The following FGF13 variants were observed in gnomAD, a reference collection of about 807,000 sequenced individuals.
The protein encoded by FGF13 is fibroblast growth factor 13.
A neutral mutation model predicts 19.5 loss-of-function variants in FGF13; 2 were observed. The ratio of observed to expected loss-of-function variants is 0.10; its 90% confidence interval spans 0.04 to 0.32. The LOEUF (loss-of-function observed/expected upper bound fraction) is 0.32, where lower values mean the gene tolerates loss of function less well. Ranked by LOEUF, FGF13 falls within the 10% of genes least tolerant of loss-of-function variation. The probability of loss-of-function intolerance (pLI) is 1.00; values close to 1 mark genes in which losing one functional copy is unlikely to be tolerated. For synonymous variants in FGF13, 72 were observed against 76.9 expected, an observed-to-expected ratio of 0.94 and a Z score of 0.33; for missense variants, 113 against 192.7, an observed-to-expected ratio of 0.59 and a Z score of 2.45.
At chrX:138,977,560 C>A (rs1460030717) in intron 1 of FGF13, among the ~76,000 whole-genome samples, 1 of 112,459 alleles carries the variant, frequency 8.9e-6, no homozygotes, top group Non-Finnish European at 1.9e-5. Flanking sequence ...GGCCTTTGCA[C>A]CATAAGTGTC....
intron 1 of FGF13, among the ~76,000 whole-genome samples, chrX:139,202,965 T>C (rs1203411577): frequency 2.7e-5 from 3 of 111,907 alleles, no homozygotes; most frequent in East Asian, 2.8e-4. Context: ...CACTTGCACC[T>C]AAGGCACCTG....
At chrX:139,190,476 G>A (rs748803167) in intron 1 of FGF13, among the ~76,000 whole-genome samples, 23 of 111,935 alleles carry the variant, frequency 2.1e-4, no homozygotes, top group African/African-American at 7.5e-4. Flanking sequence ...ATCTGTTACT[G>A]TGTCAATGTG....
intron 1 of FGF13, among the ~76,000 whole-genome samples, chrX:138,936,265 C>T (rs1290677092): frequency 8.9e-6 from 1 of 112,156 alleles, no homozygotes; most frequent in Non-Finnish European, 1.9e-5. Flanking sequence ...AGAGCTCTCC[C>T]TTAGTAATCT....
Position 138,635,362 on chromosome X carries a change from C to G in FGF13, c.601+95G>C. 4.2e-6 allele frequency: 4 copies of G among 954,122 alleles called. 1 individual carries two copies. Among genetic ancestry groups the G allele is most frequent in the Non-Finnish European group, 2.9e-6 (2 of 691,605 alleles). 78.6% of individuals were successfully genotyped at this position (954,122 alleles called of 1,213,427 possible). A position where few individuals can be genotyped will look rare whatever the true frequency, so the allele number is the denominator to read the frequency against. On this transcript the variant is annotated intron_variant, in intron 4 of 4. Coordinates refer to ENST00000315930, the MANE Select transcript of FGF13 (RefSeq NM_004114.5). ...CCACTAAATAGCTTGTCTATGTAAC[C>G]AAAAACCACCTGTACCCCCAAAACT...
At chrX:138,935,862 G>A (rs2091728850) in intron 1 of FGF13, among the ~76,000 whole-genome samples, 1 of 112,155 alleles carries the variant, frequency 8.9e-6, no homozygotes, top group Admixed American at 9.4e-5. Flanking sequence ...ATGTGAAAAT[G>A]GAATCTATGT....
At chrX:138,937,754 A>G (rs757180101) in intron 1 of FGF13, among the ~76,000 whole-genome samples, 35 of 112,177 alleles carry the variant, frequency 3.1e-4, no homozygotes, top group African/African-American at 8.7e-4. Flanking sequence ...GAAACAAAAA[A>G]TCGAAGGCCA....
Position 139,104,979 on chromosome X carries a change from A to G in FGF13, c.-113+98437T>C, listed in dbSNP as rs1192867685. Reference sequence around the variant, plus strand: ...TAATTTAAGTTATATTGAGCCTGCAACTGTGTCCTTTATAATTTTCCATTT... The same window carrying G: ...TAATTTAAGTTATATTGAGCCTGCAGCTGTGTCCTTTATAATTTTCCATTT... On this transcript the variant is annotated intron_variant, in intron 1 of 2. Transcript: ENST00000421460. Among the ~76,000 whole-genome samples, 3 of 110,386 alleles carry G rather than the reference A, an allele frequency of 2.7e-5. No homozygotes were observed. In the Admixed American group the frequency reaches 2.9e-4, roughly 11 times the overall value.
chrX:138,847,099 A>G (rs892287587), intron 3 of FGF13, among the ~76,000 whole-genome samples: 6 of 111,768 alleles, frequency 5.4e-5, no homozygotes, highest in African/African-American at 1.6e-4. Context: ...GTTTTAGATA[A>G]CAAATGCACT....
At chrX:138,775,959 C>T (rs2090584412) in intron 3 of FGF13, among the ~76,000 whole-genome samples, 1 of 112,276 alleles carries the variant, frequency 8.9e-6, no homozygotes, top group Non-Finnish European at 1.9e-5. Flanking sequence ...CCGGTCTCTA[C>T]CCTGGAGGAG....
At chrX:138,932,566 C>A (rs917859111) in intron 1 of FGF13, among the ~76,000 whole-genome samples, 2 of 110,404 alleles carry the variant, frequency 1.8e-5, no homozygotes, top group Non-Finnish European at 3.8e-5. Context: ...CGCACCATTG[C>A]GCTCCAGCTT....
Position 138,937,002 on chromosome X carries a change from C to T in FGF13, c.-112-72352G>A, listed in dbSNP as rs770784188. Among the ~76,000 whole-genome samples the T allele has an allele frequency of 4.5e-5, 5 of 111,680 alleles. No homozygotes were observed. In the East Asian group the frequency reaches 1.4e-3, roughly 32 times the overall value. ...TTGTGAGAATATCTCCCTGCAGTGC[C>T]AGGCCATCTCTCTCAAGTGGTGCTC... is the stretch of plus-strand genomic sequence containing the variant. On this transcript the variant is annotated intron_variant, in intron 1 of 2. Coordinates refer to the FGF13 transcript ENST00000421460.
chrX:138,637,891 T>G (rs1467378520), intron 3 of FGF13, among the ~76,000 whole-genome samples: 1 of 111,522 alleles, frequency 9.0e-6, no homozygotes, highest in African/African-American at 3.3e-5. Flanking sequence ...CAGGGAAGAA[T>G]AATATTTGAA....
intron 3 of FGF13, among the ~76,000 whole-genome samples, chrX:138,755,111 C>G (rs2090423533): frequency 8.9e-6 from 1 of 111,877 alleles, no homozygotes; most frequent in Non-Finnish European, 1.9e-5. Flanking sequence ...ATATCTTTTA[C>G]TATACACTCA....
chrX:138,956,935 T>C (rs2091844000), intron 1 of FGF13, among the ~76,000 whole-genome samples: 1 of 111,749 alleles, frequency 8.9e-6, no homozygotes, highest in African/African-American at 3.3e-5. Flanking sequence ...GAAGTGTTCA[T>C]AGCTTTCGTC....
intron 1 of FGF13, among the ~76,000 whole-genome samples, chrX:139,185,391 A>G (rs149334421): frequency 0.024 from 2,644 of 112,028 alleles, 73 homozygotes; most frequent in African/African-American, 0.082. Context: ...TGCCTTTGAA[A>G]TGTTGATCAT....
Position 138,750,009 on chromosome X carries a change from G to T in FGF13, c.218-41081C>A, listed in dbSNP as rs551874341. Among the ~76,000 whole-genome samples, 37 of 111,877 alleles carry T rather than the reference G, an allele frequency of 3.3e-4. 1 individual carries two copies. The South Asian group carries it at 0.013, about 39-fold the overall frequency. On this transcript the variant is annotated intron_variant, in intron 3 of 6. Transcript: ENST00000436198. ...GAACTACGGAGAGCATGTCAATTGT[G>T]CAAGAGCAATGTTGATAGCCTCAAT...
At chrX:139,018,732 C>A (rs1455326668) in intron 1 of FGF13, among the ~76,000 whole-genome samples, 3 of 110,690 alleles carry the variant, frequency 2.7e-5, no homozygotes, top group Non-Finnish European at 5.7e-5. Context: ...GCCTTTGAGG[C>A]AGAAGGGACT....
At chrX:138,905,157 C>A (rs1337308668) in intron 1 of FGF13, among the ~76,000 whole-genome samples, 1 of 111,015 alleles carries the variant, frequency 9.0e-6, no homozygotes, top group Non-Finnish European at 1.9e-5. Flanking sequence ...GGGACAGGGA[C>A]CTTACTGAGC....
Position 138,929,546 on chromosome X carries a change from G to C in FGF13, c.-112-64896C>G, listed in dbSNP as rs149897701. ...AGTAAAAAAGAATGAAAATAATTGT[G>C]TTCATACTAAAAAGCTCCATTAAAG... On this transcript the variant is annotated intron_variant, in intron 1 of 2. Transcript: ENST00000421460. 7.4e-3 allele frequency among the ~76,000 whole-genome samples: 824 copies of C among 110,653 alleles called. 8 individuals are homozygous for C. The highest frequency in any genetic ancestry group is 0.025 in the African/African-American group (769 of 30,378).
Sources: allele counts gnomAD v4.1 joint callset (sites outside exome capture counted in the v4.1 genomes callset), GRCh38; gene constraint gnomAD v4.1.1; transcripts MANE v1.5; gene names NCBI Gene and HGNC (gene_info 2026-07-23, HGNC 2026-07-21).